LITAF: variants seen among roughly 807,000 people sequenced by gnomAD.
LITAF encodes lipopolysaccharide-induced tumor necrosis factor-alpha factor.
A neutral mutation model predicts 14.5 loss-of-function variants in LITAF; 9 were observed. The observed-to-expected ratio is 0.62, with a 90% CI of 0.37 to 1.08. LITAF has a LOEUF of 1.08. LITAF is among the 50% of genes least tolerant of loss of function. LITAF has a pLI of 0.01. For synonymous variants in LITAF, 98 were observed against 88.2 expected, an observed-to-expected ratio of 1.11 and a Z score of -0.62; for missense variants, 206 against 213.4, an observed-to-expected ratio of 0.97 and a Z score of 0.22.
chr16:11,581,056 C>G (rs1053484420), intron 1 of LITAF, among the ~76,000 whole-genome samples: 1 of 152,230 alleles, frequency 6.6e-6, no homozygotes, highest in Non-Finnish European at 1.5e-5. Context: ...TGAGCCACCA[C>G]GCCCAGCCGC....
At chr16:11,559,638 T>C (rs2064327602) in intron 1 of LITAF, among the ~76,000 whole-genome samples, 1 of 151,800 alleles carries the variant, frequency 6.6e-6, no homozygotes, top group Non-Finnish European at 1.5e-5. Flanking sequence ...TGACCACAGC[T>C]TAGATATATG....
At chr16:11,609,314 C>T (rs369349294) in intron 3 of LITAF, among the ~76,000 whole-genome samples, 3 of 151,686 alleles carry the variant, frequency 2.0e-5, no homozygotes, top group African/African-American at 4.8e-5. Flanking sequence ...TGAGTTCAAG[C>T]GATTCTCCCG....
At chr16:11,621,881 C>A (rs773547744) in intron 3 of LITAF, among the ~76,000 whole-genome samples, 1 of 152,140 alleles carries the variant, frequency 6.6e-6, no homozygotes, top group Non-Finnish European at 1.5e-5. Context: ...GATAAGAAAC[C>A]AGCTCCTACG....
intron 3 of LITAF, among the ~76,000 whole-genome samples, chr16:11,607,700 A>T (rs1044725222): frequency 1.3e-5 from 2 of 152,242 alleles, no homozygotes; most frequent in Admixed American, 6.5e-5. Context: ...TAATAAATAC[A>T]GGCACACATG....
In LITAF at chr16:11,576,959, C is replaced by G. The variant is rs114900617; in HGVS notation, c.-6+9927G>C. 3.5e-3 allele frequency among the ~76,000 whole-genome samples: 530 copies of G among 152,286 alleles called. 8 individuals are homozygous for G. The highest frequency in any genetic ancestry group is 0.012 in the African/African-American group (479 of 41,552). The stretch of plus-strand genomic sequence containing the variant: ...GCAATCTTGCCTTTAGCAAGACTTA[C>G]GGATAATGTGGGAACAGGGTGGTGG... On this transcript the variant is annotated intron_variant, in intron 1 of 3. Transcript: ENST00000622633.
At chr16:11,565,006 CTTTT>C (rs34798243) in intron 1 of LITAF, among the ~76,000 whole-genome samples, 1 of 136,412 alleles carries the variant, frequency 7.3e-6, no homozygotes, top group Admixed American at 7.5e-5. Context: ...ACTGAATTAT[CTTTT>C]TTTTTTTTTT....
At chr16:11,569,143 G>A (rs949182754) in intron 1 of LITAF, among the ~76,000 whole-genome samples, 2 of 152,192 alleles carry the variant, frequency 1.3e-5, no homozygotes, top group East Asian at 1.9e-4. Context: ...GGACGCGGGG[G>A]CTTCCGAGCA....
At position 11,553,550 on chromosome 16, in the gene LITAF, C is replaced by G. The variant is rs1167023402; in HGVS notation, c.360G>C (p.Gly120=). 1 of 1,614,110 alleles carries G rather than the reference C, an allele frequency of 6.2e-7. No individual in the cohort carries two copies. Among genetic ancestry groups the G allele is most frequent in the Non-Finnish European group, 8.5e-7 (1 of 1,180,026 alleles). The change falls in exon 3 of 4, where the codon GGG becomes GGC. Residue 120 remains glycine (G), a synonymous_variant. Coordinates refer to ENST00000622633, the MANE Select transcript of LITAF (RefSeq NM_001136472.2). The surrounding 1 kb of genome is among the most constrained non-coding windows in gnomAD (Gnocchi z 7.7). ...NAGALTWLSC[G]SLCLLGCIAG... Reference sequence around the variant, plus strand: ...AGACTCACCCCAGCAGGCACAGGCTCCCGCAGGACAGCCAGGTCAGAGCAC... The same window carrying G: ...AGACTCACCCCAGCAGGCACAGGCTGCCGCAGGACAGCCAGGTCAGAGCAC...
rs981103283 is a variant in LITAF, at chr16:11,634,241, C to G, written c.-20-604G>C. On this transcript the variant is annotated intron_variant, in intron 2 of 3. Transcript: ENST00000574848. The surrounding 1 kb of genome is among the most constrained non-coding windows in gnomAD (Gnocchi z 4.1). ...CCAACCCCCATCTTGCCTTTCACCTCCAAACTGCTCTTCATCATTCCTGGA... is the reference window on the plus strand; with the variant it reads ...CCAACCCCCATCTTGCCTTTCACCTGCAAACTGCTCTTCATCATTCCTGGA... Among the ~76,000 whole-genome samples the G allele has an allele frequency of 6.6e-6, 1 of 152,178 alleles. No individual in the cohort carries two copies.
intron 3 of LITAF, among the ~76,000 whole-genome samples, chr16:11,550,833 T>C (rs868740117): frequency 4.6e-5 from 7 of 152,250 alleles, no homozygotes; most frequent in Middle Eastern, 6.8e-3. Context: ...GGCGTCTCTG[T>C]TGCAACTGCT....
At chr16:11,611,329 C>T (rs531572075) in intron 3 of LITAF, among the ~76,000 whole-genome samples, 5 of 152,176 alleles carry the variant, frequency 3.3e-5, no homozygotes, top group East Asian at 1.9e-4. Context: ...GGCAACAGAA[C>T]GAGACCCTGT....
rs1163893726 is a variant in LITAF at position 11,549,169 on chromosome 16, G to T, written c.*468C>A. 1.1e-5 allele frequency: 5 copies of T among 454,134 alleles called. No homozygotes were observed. The East Asian group carries it at 2.1e-4, about 19-fold the overall frequency. The allele number at this position is 454,134 out of a possible 1,614,324, so 28.1% of individuals were successfully genotyped here. On this transcript the variant is annotated 3_prime_UTR_variant, in exon 4 of 4. Coordinates refer to ENST00000622633, the MANE Select transcript of LITAF (RefSeq NM_001136472.2). This position sits in a 1 kb window ranked among gnomAD's most constrained non-coding sequence, Gnocchi z 4.6. ...GGCAAGATCTTTGTCATCAGGGACG[G>T]GAAGAGACGGATAAGATAATGGTAG...
At chr16:11,574,752 A>G (rs2064603132) in intron 1 of LITAF, among the ~76,000 whole-genome samples, 1 of 152,058 alleles carries the variant, frequency 6.6e-6, no homozygotes, top group African/African-American at 2.4e-5. Flanking sequence ...CACTCCCACT[A>G]TATCAACCCC....
At chr16:11,631,932 C>T (rs1383797492) in intron 3 of LITAF, among the ~76,000 whole-genome samples, 6 of 150,534 alleles carry the variant, frequency 4.0e-5, no homozygotes, top group African/African-American at 1.5e-4. Context: ...TCACTGCAAT[C>T]TCTGCCTCCC....
At position 11,556,336 on chromosome 16, in the gene LITAF, G is replaced by C. The variant is rs958928172; in HGVS notation, c.220+175C>G. 1.1e-4 allele frequency: 68 copies of C among 614,532 alleles called. 1 individual carries two copies. In the Admixed American group the frequency reaches 2.0e-3, roughly 18 times the overall value. 38.1% of individuals were successfully genotyped at this position (614,532 alleles called of 1,614,324 possible). ...ATACTTTATTACGGAAAAGCTGTGA[G>C]CCTCACCAACATGGAATCTAAAAGA... On this transcript the variant is annotated intron_variant, in intron 2 of 3. Transcript: ENST00000622633.
chr16:11,576,752 T>G (rs1386177427), intron 1 of LITAF, among the ~76,000 whole-genome samples: 1 of 152,122 alleles, frequency 6.6e-6, no homozygotes, highest in East Asian at 1.9e-4. Flanking sequence ...CTGTGTAAAG[T>G]AAGAGTTCAT....
At chr16:11,614,603 T>C (rs554367010) in intron 3 of LITAF, among the ~76,000 whole-genome samples, 1 of 151,810 alleles carries the variant, frequency 6.6e-6, no homozygotes, top group African/African-American at 2.4e-5. Flanking sequence ...CCCAGGCTTT[T>C]TCTGGTTTTT....
upstream of LITAF, among the ~76,000 whole-genome samples, chr16:11,603,471 G>A (rs1412127232): frequency 6.6e-6 from 1 of 152,094 alleles, no homozygotes; most frequent in Non-Finnish European, 1.5e-5. Flanking sequence ...AGAAATCCAG[G>A]GGAACATCCA....
chr16:11,600,513 AG>A (rs1444627511), upstream of LITAF, among the ~76,000 whole-genome samples: 1 of 152,256 alleles, frequency 6.6e-6, no homozygotes, highest in Non-Finnish European at 1.5e-5. The surrounding 1 kb of genome is among the most constrained non-coding windows in gnomAD (Gnocchi z 4.1). Context: ...AAGCCAAGCT[AG>A]AAGTTAAATT....
Sources: gnomAD v4.1 joint callset for allele counts (sites outside exome capture counted in the v4.1 genomes callset) on GRCh38, gnomAD v4.1.1 for gene constraint, Gnocchi (gnomAD v3.1) non-coding constraint, MANE v1.5 for transcripts, NCBI Gene and HGNC (gene_info 2026-07-23, HGNC 2026-07-21) for gene names.